CXXC1: variants seen among roughly 807,000 people sequenced by gnomAD.
The protein encoded by CXXC1 is CXXC-type zinc finger protein 1.
In CXXC1, 21 loss-of-function variants were observed where a neutral mutation model predicts 83.6. The ratio of observed to expected loss-of-function variants is 0.25; its 90% CI spans 0.18 to 0.36. The LOEUF (loss-of-function observed/expected upper bound fraction) is 0.36. Among genes scored for constraint, CXXC1 ranks in the 10% least tolerant of loss-of-function variants. The pLI, the probability that CXXC1 is intolerant of heterozygous loss-of-function variation, is 1.00. For missense variants in CXXC1, 688 were observed against 919.5 expected, an observed-to-expected ratio of 0.75 and a Z score of 3.26; for synonymous variants, 371 against 337.5, an observed-to-expected ratio of 1.10 and a Z score of -1.09.
intron 3 of CXXC1, 114 bp from the exon 4 acceptor site, chr18:50,286,371 C>G (rs750720060): frequency 1.8e-6 from 2 of 1,119,864 alleles, no homozygotes; most frequent in African/African-American, 3.1e-5. Flanking sequence ...CTCTGCACCC[C>G]TGTCCAGGGC....
chr18:50,287,556 C>T (rs765799679), intron 1 of CXXC1, 31 bp downstream of exon 1: 4 of 1,612,202 alleles, frequency 2.5e-6, no homozygotes, highest in African/African-American at 1.3e-5. Context: ...CGACCTCCAC[C>T]GCCGAACCCC....
intron 10 of CXXC1, 21 bp downstream of exon 10, chr18:50,283,873 G>T (rs763158942): frequency 6.2e-7 from 1 of 1,613,948 alleles, no homozygotes; most frequent in Non-Finnish European, 8.5e-7. Flanking sequence ...GCCCTGCTCT[G>T]CTGCGCCCCT....
Position 50,285,103 on chromosome 18 carries a change from C to T in CXXC1, c.811G>A (p.Glu271Lys). 6.2e-7 allele frequency: 1 copy of T among 1,614,228 alleles called. No homozygotes were observed. The change falls in exon 7 of 15, where the codon GAG becomes AAG. Residue 271 changes from glutamate to lysine, a missense_variant. Transcript: ENST00000285106. The surrounding 1 kb of genome is among the most constrained non-coding windows in gnomAD (Gnocchi z 4.4). ...VASSTVKEPP[E>K]ATATPEPLSD... ...AGTGGCTCAGGTGTGGCTGTAGCCTCAGGAGGCTCCTTGACTGTTGATGAC... is the reference window on the plus strand; with the variant it reads ...AGTGGCTCAGGTGTGGCTGTAGCCTTAGGAGGCTCCTTGACTGTTGATGAC...
Position 50,285,949 on chromosome 18 carries a change from C to G in CXXC1, c.460-21G>C. On this transcript the variant is annotated intron_variant, in intron 4 of 14. Coordinates refer to ENST00000285106, the MANE Select transcript of CXXC1 (RefSeq NM_014593.4). This position sits in a 1 kb window ranked among gnomAD's most constrained non-coding sequence, Gnocchi z 4.4. Reference sequence around the variant, plus strand: ...TGATGCTGCAGGAGGGGGCCCAGAACAGAAATCATGGACCCAGGCAGGGCT... The same window carrying G: ...TGATGCTGCAGGAGGGGGCCCAGAAGAGAAATCATGGACCCAGGCAGGGCT... 6.2e-7 allele frequency: 1 copy of G among 1,613,928 alleles called. No individual in the cohort carries two copies. The highest frequency in any genetic ancestry group is 8.5e-7 in the Non-Finnish European group (1 of 1,180,014).
chr18:50,286,612 G>A lies in CXXC1; in HGVS notation c.150C>T (p.Phe50=). The A allele has an allele frequency of 6.2e-7, 1 of 1,614,140 alleles. No homozygotes were observed. Residue 50 remains phenylalanine (F), a synonymous_variant, in exon 3 of 15, where the codon TTC becomes TTT. Coordinates refer to ENST00000285106, the MANE Select transcript of CXXC1 (RefSeq NM_014593.4). ...MIGCDNCNEW[F]HGDCIRITEK... ...CAGTGATCCGGATGCAGTCCCCATGGAACCACTCATTGCAGTTGTCACACC... is the reference window on the plus strand; with the variant it reads ...CAGTGATCCGGATGCAGTCCCCATGAAACCACTCATTGCAGTTGTCACACC...
chr18:50,285,443 C>A lies in CXXC1; in HGVS notation c.640-92G>T. 1 of 1,412,636 alleles carries A rather than the reference C, an allele frequency of 7.1e-7. No individual in the cohort carries two copies. The highest frequency in any genetic ancestry group is 1.4e-5 in the South Asian group (1 of 71,352). The allele number at this position is 1,412,636 out of a possible 1,614,324, so 87.5% of individuals were successfully genotyped here. A position where few individuals can be genotyped will look rare whatever the true frequency, so the allele number is the denominator to read the frequency against. On this transcript the variant is annotated intron_variant, in intron 5 of 14. Coordinates refer to ENST00000285106, the MANE Select transcript of CXXC1 (RefSeq NM_014593.4). This position sits in a 1 kb window ranked among gnomAD's most constrained non-coding sequence, Gnocchi z 4.4. ...ACCCACCTGGCCTGGCCTTACCTCC[C>A]CAGACACACCTCCCCGCTACCCCTC...
chr18:50,286,914 C>A (rs1445280065), intron 1 of CXXC1, 56 bp from the exon 2 acceptor site: 2 of 1,230,554 alleles, frequency 1.6e-6, no homozygotes, highest in Non-Finnish European at 2.4e-6. Context: ...GCGGCTCATC[C>A]CCCCATTACA....
At position 50,284,462 on chromosome 18, in the gene CXXC1, T is replaced by C; in HGVS notation, c.1121A>G (p.Gln374Arg). The C allele has an allele frequency of 3.7e-6, 6 of 1,608,358 alleles. No homozygotes were observed. The highest frequency in any genetic ancestry group is 2.2e-5 in the East Asian group (1 of 44,784). ...GCGCACACAGCCGGGCCCCAGGCAC[T>C]GGGGCAGTGACGCAGGGTCCTTGGC... ...ADAKDPASLP[Q>R]CLGPGCVRPA... Residue 374 changes from glutamine (Q) to arginine (R), a missense_variant, in exon 9 of 15, where the codon CAG becomes CGG. Gln to Arg is a conservative substitution (Grantham distance 43). Around this residue, in one of 9 missense-constraint regions of CXXC1, gnomAD observed 190 missense variants for 199.7 expected, o/e 0.95. Transcript: ENST00000285106.
At position 50,284,817 on chromosome 18, in the gene CXXC1, T is replaced by C. The variant is rs758216789; in HGVS notation, c.935A>G (p.Glu312Gly). The change falls in exon 8 of 15, where the codon GAG becomes GGG. Residue 312 changes from glutamate to glycine, a missense_variant. By Grantham distance (98) the Glu-to-Gly change is moderately conservative. Transcript: ENST00000285106. ...HGLPWMSDTEESPFLDPALRK... is the reference protein window; with the variant it reads ...HGLPWMSDTEGSPFLDPALRK... ...CAGCGCGGGGTCCAGGAATGGGGAC[T>C]CTTCTGTGTCGCTCATCCAGGGCTG... is the stretch of plus-strand genomic sequence containing the variant. The C allele has an allele frequency of 1.2e-6, 2 of 1,614,196 alleles. No individual in the cohort carries two copies. The highest frequency in any genetic ancestry group is 1.7e-6 in the Non-Finnish European group (2 of 1,180,048).
chr18:50,285,925 G>A lies in CXXC1; in HGVS notation c.463C>T (p.His155Tyr), dbSNP rs144817692. 3.8e-5 allele frequency: 61 copies of A among 1,614,056 alleles called. No individual in the cohort carries two copies. The highest frequency in any genetic ancestry group is 5.1e-5 in the Non-Finnish European group (60 of 1,180,034). The change falls in exon 5 of 15, where the codon CAC becomes TAC. Residue 155 changes from histidine to tyrosine, a missense_variant. This residue lies in a region of CXXC1 where 142 missense variants were observed against 150.7 expected (regional missense o/e 0.94). Transcript: ENST00000285106. The surrounding 1 kb of genome is among the most constrained non-coding windows in gnomAD (Gnocchi z 4.4). ...QPLVATPSQH[H>Y]QQQQQQIKRS... is the part of the protein sequence containing the mutation. Reference sequence around the variant, plus strand: ...TTGATCTGCTGCTGCTGCTGCTGGTGATGCTGCAGGAGGGGGCCCAGAACA... The same window carrying A: ...TTGATCTGCTGCTGCTGCTGCTGGTAATGCTGCAGGAGGGGGCCCAGAACA...
Position 50,285,191 on chromosome 18 carries a change from G to C in CXXC1, c.723C>G (p.Thr241=), listed in dbSNP as rs767505111. 1 of 1,614,218 alleles carries C rather than the reference G, an allele frequency of 6.2e-7. No individual in the cohort carries two copies. Among genetic ancestry groups the C allele is most frequent in the South Asian group, 1.1e-5 (1 of 91,082 alleles). The change falls in exon 7 of 15, where the codon ACC becomes ACG. Residue 241 remains threonine (T), a synonymous_variant. Coordinates refer to ENST00000285106, the MANE Select transcript of CXXC1 (RefSeq NM_014593.4). The surrounding 1 kb of genome is among the most constrained non-coding windows in gnomAD (Gnocchi z 4.4). ...SLPRPRRPLP[T]QQQPQPSQKL... is the part of the protein sequence containing the mutation. ...TCTGTGATGGCTGTGGCTGCTGTTGGGTGGGCAGTGGCCGGCGGGGCCTTG... is the reference window on the plus strand; with the variant it reads ...TCTGTGATGGCTGTGGCTGCTGTTGCGTGGGCAGTGGCCGGCGGGGCCTTG...
chr18:50,286,043 G>C lies in CXXC1; in HGVS notation c.438C>G (p.Pro146=). The C allele has an allele frequency of 6.2e-7, 1 of 1,613,894 alleles. No individual in the cohort carries two copies. The highest frequency in any genetic ancestry group is 8.5e-7 in the Non-Finnish European group (1 of 1,179,888). Residue 146 remains proline, a synonymous_variant, in exon 4 of 15, where the codon CCC becomes CCG. Transcript: ENST00000285106. ...SASPHKSSPQ[P]LVATPSQHHQ... is the part of the protein sequence containing the mutation. ...TCACCTGGCTGGGTGTGGCCACCAA[G>C]GGCTGCGGAGAGGATTTGTGGGGCG...
In CXXC1 at chr18:50,286,213, G is replaced by A. The variant is rs748108629; in HGVS notation, c.268C>T (p.Arg90Trp). 6 of 1,612,546 alleles carry A rather than the reference G, an allele frequency of 3.7e-6. No individual in the cohort carries two copies. The highest frequency in any genetic ancestry group is 2.7e-5 in the African/African-American group (2 of 74,880). Residue 90 changes from arginine (R) to tryptophan (W), a missense_variant, in exon 4 of 15, where the codon CGG becomes TGG. Transcript: ENST00000285106. Reference sequence around the variant, plus strand: ...TCCCGCTCATTGCCATCCCGCTCCCGTGACTTCTTGTGCCGATAGCGAATC... The same window carrying A: ...TCCCGCTCATTGCCATCCCGCTCCCATGACTTCTTGTGCCGATAGCGAATC... ...LEIRYRHKKS[R>W]ERDGNERDSS...
chr18:50,286,295 T>C (rs1309647668), intron 3 of CXXC1, 38 bp from the exon 4 acceptor site: 1 of 1,537,750 alleles, frequency 6.5e-7, no homozygotes, highest in Non-Finnish European at 8.8e-7. Context: ...GAGTGAGCAC[T>C]GGATGGCTTG....
At chr18:50,286,452 T>A (rs767375392) in intron 3 of CXXC1, 87 bp downstream of exon 3, 1 of 1,189,100 alleles carries the variant, frequency 8.4e-7, no homozygotes, top group African/African-American at 1.5e-5. Flanking sequence ...CACAGACGTG[T>A]ATCACTAATC....
In CXXC1 at chr18:50,282,952, T is replaced by C; in HGVS notation, c.1726A>G (p.Thr576Ala). 6.2e-7 allele frequency: 1 copy of C among 1,614,118 alleles called. No individual in the cohort carries two copies. ...TTGGGCAGGCGGCAGAAGTCACCCG[T>C]GAGCTCAAAGACATCACGTACAAGG... The part of the protein sequence containing the change: ...CPLVRDVFEL[T>A]GDFCRLPKRQ... The change falls in exon 14 of 15, where the codon ACG (threonine) becomes GCG (alanine). Residue 576 changes from threonine (T) to alanine (A), a missense_variant. Coordinates refer to ENST00000285106, the MANE Select transcript of CXXC1 (RefSeq NM_014593.4). The surrounding 1 kb of genome is among the most constrained non-coding windows in gnomAD (Gnocchi z 5.8).
chr18:50,282,596 G>T lies in CXXC1; in HGVS notation c.1968C>A (p.Arg656=). ...TAAGGGGTCCGGGCCAGGAGGCTCA[G>T]CGGTCGGCACTGGAGCGCAGGTCGG... ...LTTDLRSSAD[R] is the part of the protein sequence containing the mutation. The change falls in exon 15 of 15, where the codon CGC becomes CGA. Residue 656 remains arginine (R), a synonymous_variant. Transcript: ENST00000285106. This position sits in a 1 kb window ranked among gnomAD's most constrained non-coding sequence, Gnocchi z 5.8. 1 of 1,608,466 alleles carries T rather than the reference G, an allele frequency of 6.2e-7. No homozygotes were observed.
chr18:50,284,312 A>C, intron 9 of CXXC1, 66 bp downstream of exon 9: 5 of 1,519,496 alleles, frequency 3.3e-6, no homozygotes, highest in Non-Finnish European at 4.4e-6. Flanking sequence ...GTAGACATAC[A>C]GAAGGCTGTG....
rs748854572 is a variant in CXXC1, at chr18:50,286,135, G to A, written c.346C>T (p.Pro116Ser). The A allele has an allele frequency of 2.0e-5, 33 of 1,613,882 alleles. No homozygotes were observed. The South Asian group carries it at 2.2e-4, about 11-fold the overall frequency. Reference sequence around the variant, plus strand: ...GACCCTGCCCGGCGCTGCAGGTCTGGATCAGGGACAGGCCTCTTGCGCCCT... The same window carrying A: ...GACCCTGCCCGGCGCTGCAGGTCTGAATCAGGGACAGGCCTCTTGCGCCCT... ...GGGRKRPVPD[P>S]DLQRRAGSGT... The change falls in exon 4 of 15, where the codon CCA (proline) becomes TCA (serine). Residue 116 changes from proline to serine, a missense_variant. This residue lies in a region of CXXC1 where 142 missense variants were observed against 150.7 expected (regional missense o/e 0.94). Coordinates refer to ENST00000285106, the MANE Select transcript of CXXC1 (RefSeq NM_014593.4).
Sources: gnomAD v4.1 joint callset for allele counts on GRCh38, gnomAD v4.1.1 for gene constraint, gnomAD v4.1.1 regional missense constraint, Gnocchi (gnomAD v3.1) non-coding constraint, MANE v1.5 for transcripts, NCBI Gene and HGNC (gene_info 2026-07-23, HGNC 2026-07-21) for gene names.